Variants in CTNNAL1 observed in about 807,000 individuals in gnomAD.
CTNNAL1 encodes alpha-catulin.
Under a neutral mutation model 93.6 loss-of-function variants are expected in CTNNAL1, and 69 were observed. That is an observed-to-expected ratio of 0.74 (90% CI 0.61 to 0.90). The LOEUF is 0.90. Ranked by LOEUF, CTNNAL1 falls within the 40% of genes least tolerant of loss-of-function variation. The pLI, the probability that CTNNAL1 is intolerant of heterozygous loss-of-function variation, is 0.00. For missense variants in CTNNAL1, 836 were observed against 862.0 expected, an observed-to-expected ratio of 0.97 and a Z score of 0.38; for synonymous variants, 286 against 305.4, an observed-to-expected ratio of 0.94 and a Z score of 0.66.
At chr9:108,993,403 T>C (rs1180172000) in intron 2 of CTNNAL1, among the ~76,000 whole-genome samples, 2 of 152,214 alleles carry the variant, frequency 1.3e-5, no homozygotes, top group African/African-American at 4.8e-5. Flanking sequence ...AGGAAGTTTG[T>C]CTGTCAGTCA....
intron 1 of CTNNAL1, among the ~76,000 whole-genome samples, chr9:109,001,124 AT>A (rs1287257417): frequency 1.4e-5 from 2 of 140,444 alleles, no homozygotes; most frequent in African/African-American, 5.2e-5. Context: ...GTGAGCCGAG[AT>A]TGCACCACTG....
At chr9:108,967,101 G>A (rs546693040) in intron 10 of CTNNAL1, among the ~76,000 whole-genome samples, 31 of 152,146 alleles carry the variant, frequency 2.0e-4, no homozygotes, top group African/African-American at 7.2e-4. Context: ...ACAGACTGGG[G>A]ATATTATATC....
intron 12 of CTNNAL1, among the ~76,000 whole-genome samples, chr9:108,954,201 G>C (rs1371688866): frequency 1.3e-5 from 2 of 152,094 alleles, no homozygotes; most frequent in Non-Finnish European, 2.9e-5. Flanking sequence ...AATGCAGTCA[G>C]ATTCATTCGT....
In CTNNAL1 at chr9:108,983,233, T is replaced by C; in HGVS notation, c.812A>G (p.Lys271Arg). 6.3e-7 allele frequency: 1 copy of C among 1,597,800 alleles called. No homozygotes were observed. Among genetic ancestry groups the C allele is most frequent in the East Asian group, 2.3e-5 (1 of 43,756 alleles). Residue 271 changes from lysine to arginine, a missense_variant, in exon 6 of 19, where the codon AAG (lysine) becomes AGG (arginine). Lys to Arg is a conservative substitution (Grantham distance 26, BLOSUM62 2). Transcript: ENST00000325551. ...ACAGTCAGTCACAATTTCAATGACC[T>C]TATCCAATGCCACTTTCATACGGTC... ...VFDRMKVALD[K>R]VIEIVTDCKP...
intron 14 of CTNNAL1, among the ~76,000 whole-genome samples, chr9:108,951,341 T>A (rs971828497): frequency 1.3e-5 from 2 of 152,082 alleles, no homozygotes; most frequent in Non-Finnish European, 2.9e-5. Flanking sequence ...GAGTCCCAAA[T>A]CCCACACAGT....
intron 11 of CTNNAL1, among the ~76,000 whole-genome samples, chr9:108,956,377 G>A (rs939942973): frequency 2.6e-5 from 4 of 152,244 alleles, no homozygotes; most frequent in Non-Finnish European, 5.9e-5. Context: ...AACGAGGAAA[G>A]GAAGGAGACG....
chr9:108,979,389 G>A lies in CTNNAL1; in HGVS notation c.993C>T (p.Asp331=). 2 of 1,614,152 alleles carry A rather than the reference G, an allele frequency of 1.2e-6. No homozygotes were observed. Among genetic ancestry groups the A allele is most frequent in the Admixed American group, 3.3e-5 (2 of 60,022 alleles). Residue 331 remains aspartate (D), a synonymous_variant, in exon 7 of 19, where the codon GAC becomes GAT. Transcript: ENST00000325551. ...TLEVILERME[D]FTDSAYTSHE... ...GGCTGGTGTAGGCAGAATCAGTAAA[G>A]TCCTCCATACGCTCCAAGATGACTT...
chr9:108,972,868 G>GGGCCCCCCGGGC, intron 8 of CTNNAL1, 35 bp from the exon 9 acceptor site: 1 of 1,092,792 alleles, frequency 9.2e-7, no homozygotes, highest in Non-Finnish European at 1.2e-6. Context: ...GGGTGGGAGG[G>GGGCCCCCCGGGC]TGGAGAAGGA....
At chr9:108,976,629 C>T (rs1168283652) in intron 8 of CTNNAL1, among the ~76,000 whole-genome samples, 1 of 151,940 alleles carries the variant, frequency 6.6e-6, no homozygotes, top group Non-Finnish European at 1.5e-5. Context: ...CCCTGGGGAT[C>T]AGGTGATTCT....
chr9:108,964,924 G>A (rs922366257), intron 11 of CTNNAL1, among the ~76,000 whole-genome samples: 2 of 151,772 alleles, frequency 1.3e-5, no homozygotes, highest in African/African-American at 2.4e-5. Flanking sequence ...CTGCAGTGGC[G>A]CCATCTCAGC....
chr9:108,969,013 T>C (rs945551694), intron 10 of CTNNAL1, among the ~76,000 whole-genome samples: 2 of 152,178 alleles, frequency 1.3e-5, no homozygotes, highest in Non-Finnish European at 1.5e-5. Context: ...GGCTCACGCC[T>C]GTAATCCCAG....
In CTNNAL1 at chr9:108,942,586, C is replaced by T. The variant is rs1489163399; in HGVS notation, c.*183G>A. On this transcript the variant is annotated 3_prime_UTR_variant, in exon 19 of 19. Coordinates refer to ENST00000325551, the MANE Select transcript of CTNNAL1 (RefSeq NM_003798.4). ...CACTACAATTAGAATCTAGCAATTA[C>T]CAAGACATTTATTAGTTGTCAAAAA... 5.3e-6 allele frequency: 3 copies of T among 569,662 alleles called. No homozygotes were observed. Among genetic ancestry groups the T allele is most frequent in the African/African-American group, 3.8e-5 (2 of 53,036 alleles). The allele number at this position is 569,662 out of a possible 1,614,324, so 35.3% of individuals were successfully genotyped here.
In CTNNAL1 at chr9:108,983,297, T is replaced by G. The variant is rs1406586911; in HGVS notation, c.748A>C (p.Asn250His). Reference protein sequence around the residue: ...TASKTCLRHPNCESAHKNKEG... With the variant: ...TASKTCLRHPHCESAHKNKEG... ...TTGTTTTTATGGGCTGATTCGCAGT[T>G]AGGATGCCTCAGACATGTCTTCAAA... Residue 250 changes from asparagine to histidine, a missense_variant, in exon 6 of 19, where the codon AAC becomes CAC. Coordinates refer to ENST00000325551, the MANE Select transcript of CTNNAL1 (RefSeq NM_003798.4). The G allele has an allele frequency of 3.2e-6, 5 of 1,551,336 alleles. No individual in the cohort carries two copies. Among genetic ancestry groups the G allele is most frequent in the Non-Finnish European group, 4.3e-6 (5 of 1,150,646 alleles).
At chr9:108,979,575 C>T (rs1831366812) in intron 6 of CTNNAL1, 94 bp from the exon 7 acceptor site, 2 of 1,132,986 alleles carry the variant, frequency 1.8e-6, no homozygotes, top group African/African-American at 1.6e-5. Context: ...CAGGAAAACA[C>T]TAGCATTTCC....
In CTNNAL1 at chr9:108,986,953, G is replaced by A. The variant is rs1338523472; in HGVS notation, c.640-2517C>T. The stretch of plus-strand genomic sequence containing the variant: ...GCCCTTTGTCAGATGAGTAGGTTGC[G>A]AAAATTTTCTCCCAATTTGTAGGTT... On this transcript the variant is annotated intron_variant, in intron 4 of 18. Coordinates refer to ENST00000325551, the MANE Select transcript of CTNNAL1 (RefSeq NM_003798.4). Among the ~76,000 whole-genome samples, 22 of 152,220 alleles carry A rather than the reference G, an allele frequency of 1.4e-4. No individual in the cohort carries two copies. The South Asian group carries it at 1.5e-3, about 10-fold the overall frequency.
At chr9:108,961,582 A>AT (rs1167212271) in intron 11 of CTNNAL1, among the ~76,000 whole-genome samples, 6 of 152,058 alleles carry the variant, frequency 3.9e-5, no homozygotes, top group South Asian at 2.1e-4. Flanking sequence ...GGTAATGCTG[A>AT]TTTTTTTTAA....
intron 11 of CTNNAL1, among the ~76,000 whole-genome samples, chr9:108,962,456 T>C (rs1160832451): frequency 6.6e-6 from 1 of 152,202 alleles, no homozygotes; most frequent in Non-Finnish European, 1.5e-5. Flanking sequence ...GAACACTGAA[T>C]TAATGTTGCA....
chr9:108,958,385 C>T (rs1418087105), intron 11 of CTNNAL1, among the ~76,000 whole-genome samples: 1 of 152,096 alleles, frequency 6.6e-6, no homozygotes, highest in African/African-American at 2.4e-5. Context: ...TTTTATGTAA[C>T]CTGATTTGCT....
chr9:108,990,007 C>T (rs564740672), intron 4 of CTNNAL1, among the ~76,000 whole-genome samples: 5 of 152,034 alleles, frequency 3.3e-5, no homozygotes, highest in Admixed American at 6.6e-5. Flanking sequence ...GCCGTGATCA[C>T]GACACTGCAC....
Sources: allele counts gnomAD v4.1 joint callset (sites outside exome capture counted in the v4.1 genomes callset), GRCh38; gene constraint gnomAD v4.1.1; transcripts MANE v1.5; gene names NCBI Gene and HGNC (gene_info 2026-07-23, HGNC 2026-07-21).